The following CUBN variants were observed in gnomAD, a reference collection of about 807,000 sequenced individuals.
CUBN encodes cubilin.
Under a neutral mutation model 405.3 loss-of-function variants are expected in CUBN, and 282 were observed. The ratio of observed to expected loss-of-function variants is 0.70; its 90% CI spans 0.63 to 0.77. The LOEUF (loss-of-function observed/expected upper bound fraction) is 0.77. Among genes scored for constraint, CUBN ranks in the 30% least tolerant of loss-of-function variants. The pLI is 0.00. For synonymous variants in CUBN, 1,684 were observed against 1,617.0 expected (o/e 1.04, Z -0.99); for missense variants, 4,514 against 4,475.2 (o/e 1.01, Z -0.25).
At chr10:17,070,228 T>G (rs752481112) in intron 19 of CUBN, among the ~76,000 whole-genome samples, 2 of 152,250 alleles carry the variant, frequency 1.3e-5, no homozygotes, top group African/African-American at 4.8e-5. Flanking sequence ...TAGATCTATA[T>G]TTATATCCTT....
chr10:17,020,149 A>G lies in CUBN; in HGVS notation c.4018-166T>C, dbSNP rs35013380. On this transcript the variant is annotated intron_variant, in intron 27 of 66. Coordinates refer to ENST00000377833, the MANE Select transcript of CUBN (RefSeq NM_001081.4). ...CTCAACATAAGAATTAAAAATTGATAATTGCATAGAGAGGGTATTAGAGAT... is the reference window on the plus strand; with the variant it reads ...CTCAACATAAGAATTAAAAATTGATGATTGCATAGAGAGGGTATTAGAGAT... Among the ~76,000 whole-genome samples the G allele has an allele frequency of 0.26, 39,592 of 152,078 alleles. 5,897 individuals are homozygous for G. Among genetic ancestry groups the G allele is most frequent in the East Asian group, 0.43 (2,220 of 5,174 alleles).
chr10:17,104,201 GTATT>G (rs1232099757), intron 12 of CUBN, among the ~76,000 whole-genome samples: 2 of 152,128 alleles, frequency 1.3e-5, no homozygotes, highest in Non-Finnish European at 2.9e-5. Flanking sequence ...AAATACTAAT[GTATT>G]TATTCTTTGG....
intron 57 of CUBN, among the ~76,000 whole-genome samples, chr10:16,874,837 T>C (rs959152107): frequency 6.6e-6 from 1 of 152,090 alleles, no homozygotes; most frequent in South Asian, 2.1e-4. Flanking sequence ...ATTGACAGGT[T>C]GAGAGAGGGA....
intron 36 of CUBN, among the ~76,000 whole-genome samples, chr10:16,942,813 G>T (rs1428031944): frequency 7.8e-6 from 1 of 127,834 alleles, no homozygotes; most frequent in African/African-American, 3.2e-5. Context: ...GGAAAAGGAA[G>T]GGAAGGGAAG....
Position 16,946,301 on chromosome 10 carries a change from T to A in CUBN, c.5342+934A>T, listed in dbSNP as rs1195531347. ...CTTTTTACATCTACTCTAGGACATA[T>A]TATTGTTGCTGTCTAATTTAATCTA... On this transcript the variant is annotated intron_variant, in intron 36 of 66. Transcript: ENST00000377833. Among the ~76,000 whole-genome samples the A allele has an allele frequency of 2.0e-5, 3 of 152,204 alleles. No homozygotes were observed. In the East Asian group the frequency reaches 5.8e-4, roughly 29 times the overall value.
chr10:16,951,939 G>A (rs1842932011), intron 33 of CUBN, among the ~76,000 whole-genome samples: 1 of 152,078 alleles, frequency 6.6e-6, no homozygotes, highest in Admixed American at 6.6e-5. Flanking sequence ...CGATTATTTT[G>A]GTTTACCCCC....
At chr10:16,981,228 AGAG>A (rs1037118357) in intron 31 of CUBN, among the ~76,000 whole-genome samples, 2 of 144,212 alleles carry the variant, frequency 1.4e-5, no homozygotes, top group African/African-American at 4.9e-5. Context: ...CTGAACGTCA[AGAG>A]GAGAAGAAGG....
chr10:16,889,898 C>T (rs1840941582), intron 55 of CUBN, among the ~76,000 whole-genome samples: 1 of 137,306 alleles, frequency 7.3e-6, no homozygotes, highest in African/African-American at 3.0e-5. Flanking sequence ...GATTGCACCA[C>T]TGCACTCCAG....
intron 22 of CUBN, among the ~76,000 whole-genome samples, chr10:17,060,805 C>T (rs1198915176): frequency 2.0e-5 from 3 of 152,076 alleles, no homozygotes; most frequent in South Asian, 2.1e-4. Context: ...AATAACAGCA[C>T]TTTGGGAGGC....
chr10:17,010,778 A>G (rs1448107524), intron 28 of CUBN, among the ~76,000 whole-genome samples: 1 of 152,216 alleles, frequency 6.6e-6, no homozygotes, highest in African/African-American at 2.4e-5. Flanking sequence ...AGCTCTGTGG[A>G]TGACCACTGA....
intron 14 of CUBN, among the ~76,000 whole-genome samples, chr10:17,089,513 T>C (rs1443299771): frequency 2.0e-5 from 3 of 152,178 alleles, no homozygotes; most frequent in Admixed American, 6.5e-5. Flanking sequence ...ACCTCACTCA[T>C]CACAAAGAAG....
chr10:16,936,237 G>T (rs1373737651), intron 39 of CUBN, among the ~76,000 whole-genome samples: 1 of 152,064 alleles, frequency 6.6e-6, no homozygotes. Flanking sequence ...TACCTTGAGG[G>T]TTGTAAATAT....
intron 65 of CUBN, among the ~76,000 whole-genome samples, chr10:16,830,095 C>G (rs752411146): frequency 3.3e-5 from 5 of 152,088 alleles, no homozygotes; most frequent in Admixed American, 6.6e-5. Context: ...GCCACTACAC[C>G]CAGTTAATTT....
At chr10:16,952,233 C>T (rs1564443877) in intron 33 of CUBN, 43 bp downstream of exon 33, 16 of 1,417,146 alleles carry the variant, frequency 1.1e-5, no homozygotes, top group African/African-American at 1.4e-5. Flanking sequence ...CCACAGACAC[C>T]TTCTCTCCTG....
chr10:17,078,405 G>T (rs1035158086), intron 17 of CUBN, among the ~76,000 whole-genome samples: 3 of 152,034 alleles, frequency 2.0e-5, no homozygotes, highest in African/African-American at 7.2e-5. Flanking sequence ...CTCCTCATCT[G>T]CAGATCCTAC....
At chr10:16,904,143 T>C (rs1456821475) in intron 50 of CUBN, 28 bp from the exon 51 acceptor site, 9 of 1,609,458 alleles carry the variant, frequency 5.6e-6, no homozygotes, top group Admixed American at 1.7e-5. Context: ...CCAAGTGCCA[T>C]CATTGATACA....
At chr10:16,934,433 T>C (rs1564432593) in intron 39 of CUBN, among the ~76,000 whole-genome samples, 1 of 152,250 alleles carries the variant, frequency 6.6e-6, no homozygotes, top group East Asian at 1.9e-4. Flanking sequence ...AACTAGGTCC[T>C]GATTTCTTTA....
intron 27 of CUBN, among the ~76,000 whole-genome samples, chr10:17,033,358 C>G (rs1005989120): frequency 1.3e-5 from 2 of 152,214 alleles, no homozygotes; most frequent in Non-Finnish European, 2.9e-5. Flanking sequence ...CCTCCCAGCA[C>G]TTAACGCTGC....
At chr10:17,074,975 C>T (rs372871243) in intron 17 of CUBN, among the ~76,000 whole-genome samples, 60 of 151,338 alleles carry the variant, frequency 4.0e-4, no homozygotes, top group African/African-American at 1.5e-3. Context: ...TTATGGAAAA[C>T]TCAGTGGAAA....
Sources: gnomAD v4.1 joint callset for allele counts (sites outside exome capture counted in the v4.1 genomes callset) on GRCh38, gnomAD v4.1.1 for gene constraint, MANE v1.5 for transcripts, NCBI Gene and HGNC (gene_info 2026-07-23, HGNC 2026-07-21) for gene names.